CSNK1G1: variants seen among roughly 807,000 people sequenced by gnomAD.
CSNK1G1 encodes casein kinase 1 gamma 1.
CSNK1G1 carries 22 observed loss-of-function variants against 59.6 expected under a neutral mutation model. That is an observed-to-expected ratio of 0.37 (90% CI 0.26 to 0.53). The LOEUF (loss-of-function observed/expected upper bound fraction) is 0.53, where lower values mean the gene tolerates loss of function less well. Among genes scored for constraint, CSNK1G1 ranks in the 20% least tolerant of loss-of-function variants. The probability of loss-of-function intolerance (pLI) is 0.89; values close to 1 mark genes in which losing one functional copy is unlikely to be tolerated. For missense variants in CSNK1G1, 384 were observed against 519.5 expected (o/e 0.74, Z 2.54); for synonymous variants, 179 against 177.1 (o/e 1.01, Z -0.08).
chr15:64,292,061 T>A (rs1894769929), intron 2 of CSNK1G1, among the ~76,000 whole-genome samples: 1 of 151,236 alleles, frequency 6.6e-6, no homozygotes, highest in Non-Finnish European at 1.5e-5. Flanking sequence ...AAAAAAAAAA[T>A]TAGTCAGGCG....
At chr15:64,195,163 A>G (rs1466050098) in intron 10 of CSNK1G1, 4 of 152,254 alleles carry the variant, frequency 2.6e-5, no homozygotes, top group Non-Finnish European at 5.9e-5. Context: ...AAAACAAAAC[A>G]AAACAAAACA....
At chr15:64,298,970 G>C (rs535772741) in intron 2 of CSNK1G1, among the ~76,000 whole-genome samples, 1 of 152,212 alleles carries the variant, frequency 6.6e-6, no homozygotes, top group South Asian at 2.1e-4. Flanking sequence ...AACCTGGGAA[G>C]AGGAGGTTGC....
chr15:64,314,188 T>C (rs1445288445), intron 1 of CSNK1G1, among the ~76,000 whole-genome samples: 1 of 152,150 alleles, frequency 6.6e-6, no homozygotes, highest in East Asian at 1.9e-4. Flanking sequence ...GAGATCACAG[T>C]GCAATGCAGC....
At position 64,216,564 on chromosome 15, in the gene CSNK1G1, G is replaced by A. The variant is rs6494466; in HGVS notation, c.442C>T (p.Leu148=). Residue 148 remains leucine, a splice_region_variant and synonymous_variant, in exon 5 of 12, where the codon CTG becomes TTG. Coordinates refer to ENST00000303052, the MANE Select transcript of CSNK1G1 (RefSeq NM_022048.5). This position sits in a 1 kb window ranked among gnomAD's most constrained non-coding sequence, Gnocchi z 4.6. ...CTAGAAGAGCAATTCCAACTTACCAGCTGGATGGCTATCATTAACACCGTC... is the reference window on the plus strand; with the variant it reads ...CTAGAAGAGCAATTCCAACTTACCAACTGGATGGCTATCATTAACACCGTC... ...LKTVLMIAIQ[L]LSRMEYVHSK... 0.32 allele frequency: 508,319 copies of A among 1,612,682 alleles called. 100,590 individuals are homozygous for A. The highest frequency in any genetic ancestry group is 0.87 in the African/African-American group (65,220 of 74,940).
chr15:64,236,076 G>C (rs945734685), intron 4 of CSNK1G1, among the ~76,000 whole-genome samples: 1 of 145,760 alleles, frequency 6.9e-6, no homozygotes, highest in African/African-American at 2.5e-5. Context: ...CTGGGAGGCA[G>C]AGATGGCAGT....
At chr15:64,298,767 C>G (rs1375894483) in intron 2 of CSNK1G1, among the ~76,000 whole-genome samples, 1 of 151,870 alleles carries the variant, frequency 6.6e-6, no homozygotes, top group Non-Finnish European at 1.5e-5. Flanking sequence ...CGTAGTGGCT[C>G]AGCCTGTAAT....
chr15:64,228,039 C>T (rs1007245070), intron 4 of CSNK1G1, among the ~76,000 whole-genome samples: 8 of 152,178 alleles, frequency 5.3e-5, no homozygotes, highest in African/African-American at 1.9e-4. Flanking sequence ...CTATGCTCCA[C>T]AGGCAGCTTG....
At chr15:64,173,278 A>G (rs906492094) in intron 11 of CSNK1G1, among the ~76,000 whole-genome samples, 2 of 152,210 alleles carry the variant, frequency 1.3e-5, no homozygotes, top group African/African-American at 4.8e-5. Context: ...GACTAGTTAT[A>G]AAAAACTGGA....
chr15:64,319,220 G>A (rs1424301497), intron 1 of CSNK1G1, among the ~76,000 whole-genome samples: 1 of 152,074 alleles, frequency 6.6e-6, no homozygotes, highest in Non-Finnish European at 1.5e-5. Context: ...TTTCTAATGA[G>A]GTTCAAATTT....
intron 1 of CSNK1G1, among the ~76,000 whole-genome samples, chr15:64,308,516 A>G (rs1381127238): frequency 6.6e-6 from 1 of 152,066 alleles, no homozygotes; most frequent in East Asian, 1.9e-4. Flanking sequence ...ATTTACTCTC[A>G]TTGTACTCAT....
intron 2 of CSNK1G1, among the ~76,000 whole-genome samples, chr15:64,279,690 C>A (rs1047529964): frequency 6.6e-6 from 1 of 151,880 alleles, no homozygotes; most frequent in African/African-American, 2.4e-5. Flanking sequence ...CAGAAACAAA[C>A]AGGCCAGGCA....
intron 4 of CSNK1G1, among the ~76,000 whole-genome samples, chr15:64,238,295 C>A (rs1038858365): frequency 2.6e-5 from 4 of 151,108 alleles, no homozygotes; most frequent in African/African-American, 9.7e-5. Context: ...AAACATGCAG[C>A]CTGGGCAACA....
rs1191471116 is a variant in CSNK1G1, at chr15:64,340,535, TGTG to T, written c.-225+15450_-225+15452del. Among the ~76,000 whole-genome samples, 5 of 152,324 alleles carry T rather than the reference TGTG, an allele frequency of 3.3e-5. No individual in the cohort carries two copies. The South Asian group carries it at 6.2e-4, about 19-fold the overall frequency. On this transcript the variant is annotated intron_variant, in intron 1 of 11. Coordinates refer to ENST00000303052, the MANE Select transcript of CSNK1G1 (RefSeq NM_022048.5). ...AACTAAACCTTTTATTGTTATATGA[TGTG>T]GTAGAGACTGCAGGTGGCTTTCCCA...
chr15:64,280,483 T>C (rs1261828447), intron 2 of CSNK1G1, among the ~76,000 whole-genome samples: 1 of 152,030 alleles, frequency 6.6e-6, no homozygotes, highest in South Asian at 2.1e-4. Flanking sequence ...CACTGCAACC[T>C]TAGCTTCCTG....
chr15:64,305,708 AC>A lies in CSNK1G1; in HGVS notation c.-224-4986del, dbSNP rs1363228154. Among the ~76,000 whole-genome samples, 508 of 147,284 alleles carry A rather than the reference AC, an allele frequency of 3.4e-3. 3 individuals carry two copies. Among genetic ancestry groups the A allele is most frequent in the African/African-American group, 0.011 (440 of 38,504 alleles). On this transcript the variant is annotated intron_variant, in intron 1 of 11. Transcript: ENST00000303052. ...TGACCCTGTCTCCAAAAAAAAAAAA[AC>A]AAAAACAAAAACAAAAAAAAAACTT...
At chr15:64,241,923 T>A (rs1419703628) in intron 4 of CSNK1G1, among the ~76,000 whole-genome samples, 13 of 149,146 alleles carry the variant, frequency 8.7e-5, no homozygotes, top group East Asian at 5.9e-4. Flanking sequence ...GTTGTTTTTT[T>A]AAAAAAAAAG....
chr15:64,236,959 C>T (rs2082624297), intron 4 of CSNK1G1, among the ~76,000 whole-genome samples: 1 of 152,090 alleles, frequency 6.6e-6, no homozygotes, highest in Non-Finnish European at 1.5e-5. Flanking sequence ...TATTTAGCCA[C>T]AAAAAGTGTG....
At position 64,191,328 on chromosome 15, in the gene CSNK1G1, A is replaced by G. The variant is rs60688521; in HGVS notation, c.1108-10874T>C. ...GCCCGCCTCGGCCTCCCAAAGTGCT[A>G]AGATTATAGGTGTGAGCCACGGCAC... On this transcript the variant is annotated intron_variant, in intron 10 of 11. Coordinates refer to ENST00000303052, the MANE Select transcript of CSNK1G1 (RefSeq NM_022048.5). Among the ~76,000 whole-genome samples, 1,326 of 152,178 alleles carry G rather than the reference A, an allele frequency of 8.7e-3. 18 individuals are homozygous for G. The highest frequency in any genetic ancestry group is 0.03 in the African/African-American group (1,265 of 41,518).
intron 1 of CSNK1G1, among the ~76,000 whole-genome samples, chr15:64,337,759 C>A (rs1408596130): frequency 6.6e-6 from 1 of 152,126 alleles, no homozygotes; most frequent in African/African-American, 2.4e-5. Flanking sequence ...CCAAAATATT[C>A]TCATTATCCT....
Sources: gnomAD v4.1 joint callset for allele counts (sites outside exome capture counted in the v4.1 genomes callset) on GRCh38, gnomAD v4.1.1 for gene constraint, Gnocchi (gnomAD v3.1) non-coding constraint, MANE v1.5 for transcripts, NCBI Gene and HGNC (gene_info 2026-07-23, HGNC 2026-07-21) for gene names.